CRYBG1: variants seen among roughly 807,000 people sequenced by gnomAD.
CRYBG1 encodes the protein crystallin beta-gamma domain containing 1.
CRYBG1 carries 139 observed loss-of-function variants against 189.2 expected under a neutral mutation model. The ratio of observed to expected loss-of-function variants is 0.73; its 90% CI spans 0.64 to 0.85. The LOEUF is 0.85. Among genes scored for constraint, CRYBG1 ranks in the 40% least tolerant of loss-of-function variants. The pLI is 0.00. For missense variants in CRYBG1, 2,611 were observed against 2,675.8 expected, an observed-to-expected ratio of 0.98 and a Z score of 0.53; for synonymous variants, 1,023 against 1,017.1, an observed-to-expected ratio of 1.01 and a Z score of -0.11.
chr6:106,499,319 A>ATTT (rs1162297886), intron 2 of CRYBG1, among the ~76,000 whole-genome samples: 99 of 122,510 alleles, frequency 8.1e-4, no homozygotes, highest in Non-Finnish European at 9.2e-4. Flanking sequence ...CACCCGGCTA[A>ATTT]TTTTTTTTTT....
At chr6:106,474,472 G>C (rs1404500107) in intron 2 of CRYBG1, among the ~76,000 whole-genome samples, 1 of 152,124 alleles carries the variant, frequency 6.6e-6, no homozygotes, top group Non-Finnish European at 1.5e-5. Flanking sequence ...AGGCTTAATT[G>C]ATTTTTTAAG....
intron 2 of CRYBG1, among the ~76,000 whole-genome samples, chr6:106,480,443 T>C (rs1772422616): frequency 6.7e-6 from 1 of 150,210 alleles, no homozygotes; most frequent in African/African-American, 2.5e-5. Context: ...GGCAGGCAGA[T>C]CACGACGTCA....
At chr6:106,496,696 G>A (rs2114502043) in intron 2 of CRYBG1, among the ~76,000 whole-genome samples, 1 of 152,320 alleles carries the variant, frequency 6.6e-6, no homozygotes, top group South Asian at 2.1e-4. Context: ...TTAGGTTGGT[G>A]AGAATGGCAG....
intron 2 of CRYBG1, among the ~76,000 whole-genome samples, chr6:106,488,545 G>A (rs1467749776): frequency 6.6e-6 from 1 of 152,158 alleles, no homozygotes; most frequent in Non-Finnish European, 1.5e-5. Flanking sequence ...CTATGGTGGG[G>A]TGGTGCCACC....
In CRYBG1 at chr6:106,512,932, A is replaced by C; in HGVS notation, c.1815A>C (p.Arg605Ser). ...GCCGGGCAGAGGGAGGTCGAAGCAG[A>C]GAGCTGGGCAGAGCGGCCGGAGCGC... ...FNGRAEGGRS[R>S]ELGRAAGAPG... Residue 605 changes from arginine (R) to serine (S), a missense_variant, in exon 3 of 22, where the codon AGA becomes AGC. This residue lies in a region of CRYBG1 where 985 missense variants were observed against 924.4 expected (regional missense o/e 1.07). Transcript: ENST00000633556. 1 of 1,609,336 alleles carries C rather than the reference A, an allele frequency of 6.2e-7. No individual in the cohort carries two copies. The highest frequency in any genetic ancestry group is 8.5e-7 in the Non-Finnish European group (1 of 1,178,294).
intron 2 of CRYBG1, among the ~76,000 whole-genome samples, chr6:106,496,802 G>T (rs890455633): frequency 8.5e-5 from 13 of 152,198 alleles, no homozygotes; most frequent in African/African-American, 3.1e-4. Flanking sequence ...AGTGCTGCAG[G>T]TACTAACAGC....
chr6:106,490,375 G>A (rs141173353), intron 2 of CRYBG1, among the ~76,000 whole-genome samples: 143 of 152,298 alleles, frequency 9.4e-4, no homozygotes, highest in African/African-American at 3.4e-3. Context: ...CAGTTCACCA[G>A]GTAGGCTATG....
Position 106,552,198 on chromosome 6 carries a change from C to A in CRYBG1, c.5454C>A (p.Gly1818=). ...AAAATTTTTAGGATTCTTTCACTGG[C>A]CCAAGGAGACGAAATCAGGTAACTT... ...VQPICLDSFT[G]PRRRNQIHLF... The change falls in exon 15 of 22, where the codon GGC becomes GGA. Residue 1818 remains glycine, a synonymous_variant. Coordinates refer to ENST00000633556, the MANE Select transcript of CRYBG1 (RefSeq NM_001371242.2). 1.3e-6 allele frequency: 2 copies of A among 1,579,622 alleles called. No homozygotes were observed. The highest frequency in any genetic ancestry group is 2.3e-5 in the South Asian group (2 of 86,444).
In CRYBG1 at chr6:106,527,484, A is replaced by G; in HGVS notation, c.4578+14A>G. On this transcript the variant is annotated intron_variant, in intron 7 of 21. Transcript: ENST00000633556. The stretch of plus-strand genomic sequence containing the variant: ...CATGTGGTTCAGGTAGGTTGTGGTA[A>G]ATATGGATTTTATTTATTCAGCTAA... 1 of 1,597,946 alleles carries G rather than the reference A, an allele frequency of 6.3e-7. No homozygotes were observed. Among genetic ancestry groups the G allele is most frequent in the Non-Finnish European group, 8.5e-7 (1 of 1,173,558 alleles).
At chr6:106,393,184 T>G (rs1770540608) in intron 1 of CRYBG1, among the ~76,000 whole-genome samples, 1 of 152,228 alleles carries the variant, frequency 6.6e-6, no homozygotes, top group South Asian at 2.1e-4. Flanking sequence ...TTGTAAACAT[T>G]GGGCTAGCTC....
chr6:106,539,490 A>G lies in CRYBG1; in HGVS notation c.4806A>G (p.Thr1602=). ...GEYPDLSFWD[T]EEAYIGSMRP... ...ACCCTGACTTGTCCTTCTGGGATAC[A>G]GAAGAAGCGTACATTGGATCCATGC... Residue 1602 remains threonine, a synonymous_variant, in exon 9 of 22, where the codon ACA becomes ACG. Transcript: ENST00000633556. 1 of 1,613,966 alleles carries G rather than the reference A, an allele frequency of 6.2e-7. No individual in the cohort carries two copies. The highest frequency in any genetic ancestry group is 8.5e-7 in the Non-Finnish European group (1 of 1,179,908).
chr6:106,376,978 G>C (rs1197706663), intron 1 of CRYBG1, among the ~76,000 whole-genome samples: 1 of 152,132 alleles, frequency 6.6e-6, no homozygotes, highest in Non-Finnish European at 1.5e-5. Context: ...TAAGCAAATT[G>C]TTTCTGGAAC....
intron 2 of CRYBG1, among the ~76,000 whole-genome samples, chr6:106,491,363 C>G (rs1045285873): frequency 2.6e-5 from 4 of 152,158 alleles, no homozygotes; most frequent in African/African-American, 9.7e-5. Context: ...CATTTACAAA[C>G]TGGAGCTTAT....
intron 1 of CRYBG1, among the ~76,000 whole-genome samples, chr6:106,384,360 A>G (rs1350209648): frequency 6.6e-6 from 1 of 152,150 alleles, no homozygotes; most frequent in Non-Finnish European, 1.5e-5. Context: ...TTTCAGGATG[A>G]TTTAAGTGCA....
intron 2 of CRYBG1, among the ~76,000 whole-genome samples, chr6:106,499,156 G>GCTTT (rs1772929274): frequency 8.3e-6 from 1 of 121,076 alleles, no homozygotes; most frequent in Non-Finnish European, 1.7e-5. Flanking sequence ...TTGTTTGTTT[G>GCTTT]TTTTTTGCTT....
Position 106,514,982 on chromosome 6 carries a change from A to G in CRYBG1, c.1922+1943A>G, listed in dbSNP as rs76293893. ...GACTGATGGTTTTTTCAGACCCTTT[A>G]ATTCTTCCTATGACCGTATCGCAAG... On this transcript the variant is annotated intron_variant, in intron 3 of 21. Transcript: ENST00000633556. Among the ~76,000 whole-genome samples, 20 of 152,330 alleles carry G rather than the reference A, an allele frequency of 1.3e-4. 1 individual carries two copies. The East Asian group carries it at 3.9e-3, about 29-fold the overall frequency.
At chr6:106,452,795 A>G (rs1273249111) in intron 2 of CRYBG1, among the ~76,000 whole-genome samples, 5 of 152,224 alleles carry the variant, frequency 3.3e-5, no homozygotes, top group African/African-American at 1.2e-4. Flanking sequence ...CACTTGTAGA[A>G]AGACATTACT....
intron 1 of CRYBG1, among the ~76,000 whole-genome samples, chr6:106,424,802 C>G (rs766853559): frequency 2.0e-5 from 3 of 152,172 alleles, no homozygotes; most frequent in Admixed American, 6.5e-5. Flanking sequence ...CTAACACCAC[C>G]AGTCCTGTCT....
chr6:106,500,593 T>C (rs1772986730), intron 2 of CRYBG1, among the ~76,000 whole-genome samples: 1 of 152,206 alleles, frequency 6.6e-6, no homozygotes, highest in Non-Finnish European at 1.5e-5. Context: ...GATTTGCACA[T>C]ATTTTCTCCC....
Sources: allele counts gnomAD v4.1 joint callset (sites outside exome capture counted in the v4.1 genomes callset), GRCh38; gene constraint gnomAD v4.1.1; regional missense constraint gnomAD v4.1.1; transcripts MANE v1.5; gene names NCBI Gene and HGNC (gene_info 2026-07-23, HGNC 2026-07-21).